ANKS1A: variants seen among roughly 807,000 people sequenced by gnomAD.
ANKS1A encodes ankyrin repeat and sterile alpha motif domain containing 1A, also known as ankyrin repeat and SAM domain-containing protein 1A.
In ANKS1A, 55 loss-of-function variants were observed where a neutral mutation model predicts 120.3. That is an observed-to-expected ratio of 0.46 (90% CI 0.37 to 0.57). The LOEUF is 0.57. Among genes scored for constraint, ANKS1A ranks in the 20% least tolerant of loss-of-function variants. The pLI is 0.00. For synonymous variants in ANKS1A, 590 were observed against 604.7 expected (o/e 0.98, Z 0.36); for missense variants, 1,123 against 1,480.3 (o/e 0.76, Z 3.96).
chr6:35,052,343 A>G (rs946547268), intron 11 of ANKS1A, among the ~76,000 whole-genome samples: 2 of 151,878 alleles, frequency 1.3e-5, no homozygotes, highest in African/African-American at 4.8e-5. Flanking sequence ...CCCAGCTACT[A>G]GGGAGGCTGA....
downstream of ANKS1A, chr6:35,091,489 T>C: frequency 1.1e-6 from 1 of 921,382 alleles, no homozygotes; most frequent in Non-Finnish European, 1.3e-6. Flanking sequence ...AGACGCAGGC[T>C]CAGGATCAGT....
intron 1 of ANKS1A, among the ~76,000 whole-genome samples, chr6:34,915,986 CTTTTTTTTTTTTTTT>C (rs202041070): frequency 0.12 from 12,105 of 105,010 alleles, 852 homozygotes; most frequent in East Asian, 0.44. Context: ...ATGTCTGGAT[CTTTTTTTTTTTTTTT>C]TTTTTTTTGG....
intron 1 of ANKS1A, among the ~76,000 whole-genome samples, chr6:34,922,774 A>G (rs537070982): frequency 5.3e-5 from 8 of 150,458 alleles, no homozygotes; most frequent in Admixed American, 3.3e-4. Flanking sequence ...GCTCACTGCA[A>G]TCTCCACCTC....
In ANKS1A at chr6:35,090,454, G is replaced by C; in HGVS notation, c.*1845G>C. The C allele has an allele frequency of 8.5e-7, 1 of 1,170,634 alleles. No homozygotes were observed. Among genetic ancestry groups the C allele is most frequent in the Non-Finnish European group, 1.1e-6 (1 of 931,270 alleles). The allele number at this position is 1,170,634 out of a possible 1,614,324, so 72.5% of individuals were successfully genotyped here. A position where few individuals can be genotyped will look rare whatever the true frequency, so the allele number is the denominator to read the frequency against. The stretch of plus-strand genomic sequence containing the variant: ...GCAGACACTACGATGCACTCCTCAA[G>C]CTGTCTTTTGTGCTTAGATCATCCA... On this transcript the variant is annotated 3_prime_UTR_variant, in exon 24 of 24. Transcript: ENST00000360359.
At chr6:35,064,780 C>T (rs1776684758) in intron 13 of ANKS1A, among the ~76,000 whole-genome samples, 1 of 152,224 alleles carries the variant, frequency 6.6e-6, no homozygotes, top group Admixed American at 6.5e-5. Flanking sequence ...CCAAGAGGCC[C>T]TCTCCCCAGC....
At position 34,889,639 on chromosome 6, in the gene ANKS1A, T is replaced by C. The variant is rs770374716; in HGVS notation, c.197+40T>C. The C allele has an allele frequency of 1.3e-5, 17 of 1,267,510 alleles. No homozygotes were observed. In the South Asian group the frequency reaches 5.2e-4, roughly 39 times the overall value. The allele number at this position is 1,267,510 out of a possible 1,614,324, so 78.5% of individuals were successfully genotyped here. A position where few individuals can be genotyped will look rare whatever the true frequency, so the allele number is the denominator to read the frequency against. On this transcript the variant is annotated intron_variant, in intron 1 of 23. Coordinates refer to ENST00000360359, the MANE Select transcript of ANKS1A (RefSeq NM_015245.3). This position sits in a 1 kb window ranked among gnomAD's most constrained non-coding sequence, Gnocchi z 5.5. Reference sequence around the variant, plus strand: ...GGGCCGGGCCGCTGCCTGCAGACCCTTTCTCCCCCACCCGTCTCTTGGGTC... The same window carrying C: ...GGGCCGGGCCGCTGCCTGCAGACCCCTTCTCCCCCACCCGTCTCTTGGGTC...
At chr6:35,015,155 G>A (rs1449732854) in intron 10 of ANKS1A, among the ~76,000 whole-genome samples, 1 of 152,176 alleles carries the variant, frequency 6.6e-6, no homozygotes, top group African/African-American at 2.4e-5. Context: ...GTTGAGTTGA[G>A]GTGTGAAAGT....
chr6:34,923,875 C>G (rs1768565718), intron 1 of ANKS1A, among the ~76,000 whole-genome samples: 1 of 152,200 alleles, frequency 6.6e-6, no homozygotes, highest in South Asian at 2.1e-4. Flanking sequence ...CATGGCCTCT[C>G]ACTGCTGCAT....
intron 13 of ANKS1A, among the ~76,000 whole-genome samples, chr6:35,074,130 C>T (rs1055592704): frequency 2.0e-5 from 3 of 152,390 alleles, no homozygotes; most frequent in African/African-American, 7.2e-5. Flanking sequence ...TCCTCGCTGT[C>T]AGCCTTCAGG....
downstream of ANKS1A, among the ~76,000 whole-genome samples, chr6:35,095,583 CGAAAGAAAGAGA>C (rs1406443208): frequency 3.6e-4 from 38 of 105,156 alleles, no homozygotes; most frequent in East Asian, 1.3e-3. Context: ...AAAGGAAAGA[CGAAAGAAAGAGA>C]GAAAGAAAGA....
intron 13 of ANKS1A, among the ~76,000 whole-genome samples, chr6:35,074,765 G>A (rs1046183452): frequency 6.6e-6 from 1 of 152,246 alleles, no homozygotes; most frequent in African/African-American, 2.4e-5. Flanking sequence ...GTGGAGCAGA[G>A]TAGTGGGCTT....
intron 11 of ANKS1A, among the ~76,000 whole-genome samples, chr6:35,046,552 T>C (rs978183664): frequency 1.3e-5 from 2 of 152,196 alleles, no homozygotes; most frequent in Non-Finnish European, 2.9e-5. Context: ...TCCCTGAATA[T>C]CCACCACGTA....
At chr6:35,076,251 G>A (rs1265648339) in intron 13 of ANKS1A, among the ~76,000 whole-genome samples, 2 of 152,078 alleles carry the variant, frequency 1.3e-5, no homozygotes, top group African/African-American at 2.4e-5. Context: ...ATGAAACCCA[G>A]TCTTTACTAA....
At position 34,996,149 on chromosome 6, in the gene ANKS1A, G is replaced by A. The variant is rs1340513306; in HGVS notation, c.1423+1727G>A. Among the ~76,000 whole-genome samples, 4 of 152,060 alleles carry A rather than the reference G, an allele frequency of 2.6e-5. No individual in the cohort carries two copies. In the South Asian group the frequency reaches 8.3e-4, roughly 31 times the overall value. ...TTTTAGCCATTCTAGTAGATACGTG[G>A]TGTTAGTTCATTATGGATTTAATTT... is the stretch of plus-strand genomic sequence containing the variant. On this transcript the variant is annotated intron_variant, in intron 10 of 23. Coordinates refer to ENST00000360359, the MANE Select transcript of ANKS1A (RefSeq NM_015245.3).
downstream of ANKS1A, among the ~76,000 whole-genome samples, chr6:35,091,924 A>AGAG (rs1169787938): frequency 1.6e-4 from 24 of 152,272 alleles, no homozygotes; most frequent in African/African-American, 5.3e-4. Context: ...GGTGGCAGGG[A>AGAG]GAGGAAGGGG....
Position 35,085,913 on chromosome 6 carries a change from C to T in ANKS1A, c.3280C>T (p.Arg1094Trp), listed in dbSNP as rs1238944045. The change falls in exon 22 of 24, where the codon CGG becomes TGG. Residue 1094 changes from arginine to tryptophan, a missense_variant. Coordinates refer to ENST00000360359, the MANE Select transcript of ANKS1A (RefSeq NM_015245.3). The surrounding 1 kb of genome is among the most constrained non-coding windows in gnomAD (Gnocchi z 4.7). ...TKSSKPVPKP[R>W]VGVRKSALEP... is the part of the protein sequence containing the mutation. ...ATCTTCCAAACCGGTGCCTAAGCCTCGGGTCGGCGTGAGGAAATCCGCAGT... is the reference window on the plus strand; with the variant it reads ...ATCTTCCAAACCGGTGCCTAAGCCTTGGGTCGGCGTGAGGAAATCCGCAGT... The T allele has an allele frequency of 1.2e-6, 2 of 1,610,502 alleles. No homozygotes were observed. Among genetic ancestry groups the T allele is most frequent in the African/African-American group, 1.3e-5 (1 of 74,986 alleles).
intron 11 of ANKS1A, among the ~76,000 whole-genome samples, chr6:35,043,311 T>C: frequency 6.6e-6 from 1 of 152,232 alleles, no homozygotes; most frequent in African/African-American, 2.4e-5. Context: ...GCCTGGCTAG[T>C]TGGCCCTGGA....
At position 35,060,326 on chromosome 6, in the gene ANKS1A, G is replaced by A. The variant is rs558513358; in HGVS notation, c.2184+73G>A. ...ACAGGCCTCCCTGGCCTCCCCTCTG[G>A]CCCCACAGGAGTCTGCAACAGTACG... On this transcript the variant is annotated intron_variant, in intron 13 of 23. Coordinates refer to ENST00000360359, the MANE Select transcript of ANKS1A (RefSeq NM_015245.3). This position sits in a 1 kb window ranked among gnomAD's most constrained non-coding sequence, Gnocchi z 4.5. 3.0e-5 allele frequency: 40 copies of A among 1,350,768 alleles called. No homozygotes were observed. The East Asian group carries it at 8.7e-4, about 29-fold the overall frequency. The allele number at this position is 1,350,768 out of a possible 1,614,324, so 83.7% of individuals were successfully genotyped here.
intron 10 of ANKS1A, among the ~76,000 whole-genome samples, chr6:35,010,561 A>G (rs1240971854): frequency 6.6e-6 from 1 of 152,200 alleles, no homozygotes; most frequent in Admixed American, 6.5e-5. Flanking sequence ...GTGGGAAATA[A>G]TTGTCTTTAT....
Sources: gnomAD v4.1 joint callset for allele counts (sites outside exome capture counted in the v4.1 genomes callset) on GRCh38, gnomAD v4.1.1 for gene constraint, Gnocchi (gnomAD v3.1) non-coding constraint, MANE v1.5 for transcripts, NCBI Gene and HGNC (gene_info 2026-07-23, HGNC 2026-07-21) for gene names.